CACNB2: variants seen among roughly 807,000 people sequenced by gnomAD.
CACNB2 encodes voltage-dependent L-type calcium channel subunit beta-2.
A neutral mutation model predicts 73.3 loss-of-function variants in CACNB2; 42 were observed. The observed-to-expected ratio is 0.57, with a 90% CI of 0.45 to 0.74. The LOEUF is 0.74. CACNB2 is among the 30% of genes least tolerant of loss of function. The pLI, the probability that CACNB2 is intolerant of heterozygous loss-of-function variation, is 0.00. For synonymous variants in CACNB2, 348 were observed against 310.3 expected (o/e 1.12, Z -1.28); for missense variants, 940 against 853.0 (o/e 1.10, Z -1.27).
At chr10:18,404,870 T>G (rs1343569177) in intron 3 of CACNB2, among the ~76,000 whole-genome samples, 1 of 152,256 alleles carries the variant, frequency 6.6e-6, no homozygotes, top group Non-Finnish European at 1.5e-5. Flanking sequence ...GTTAAGGCTT[T>G]TCTTAACCAC....
intron 5 of CACNB2, among the ~76,000 whole-genome samples, chr10:18,503,992 T>A (rs1468405615): frequency 1.3e-5 from 2 of 152,206 alleles, no homozygotes; most frequent in East Asian, 3.8e-4. Flanking sequence ...TTGGAAAATT[T>A]GGGATGGATT....
chr10:18,471,428 A>G (rs751067127), intron 3 of CACNB2, among the ~76,000 whole-genome samples: 2 of 152,256 alleles, frequency 1.3e-5, no homozygotes, highest in Non-Finnish European at 2.9e-5. Context: ...TTTTCCCTAC[A>G]GAATGTAATT....
intron 7 of CACNB2, 80 bp from the exon 8 acceptor site, chr10:18,518,256 T>A: frequency 1.1e-6 from 1 of 944,136 alleles, no homozygotes; most frequent in Non-Finnish European, 1.8e-6. Context: ...ATTATGGAGT[T>A]CAGAAAGAGT....
intron 10 of CACNB2, among the ~76,000 whole-genome samples, chr10:18,531,026 G>T (rs1276939856): frequency 6.6e-6 from 1 of 152,120 alleles, no homozygotes; most frequent in Non-Finnish European, 1.5e-5. Flanking sequence ...GGCAGGCACT[G>T]GTCAAAATTA....
intron 2 of CACNB2, among the ~76,000 whole-genome samples, chr10:18,378,361 T>A (rs1364742998): frequency 6.6e-6 from 1 of 152,258 alleles, no homozygotes; most frequent in Non-Finnish European, 1.5e-5. Context: ...TTCTCTGCTT[T>A]TTATAATTCT....
intron 2 of CACNB2, chr10:18,262,103 G>C (rs1316636108): frequency 2.1e-6 from 1 of 485,626 alleles, no homozygotes; most frequent in African/African-American, 2.0e-5. Flanking sequence ...GCAAACTGCA[G>C]TGCTGAATTG....
At chr10:18,523,002 G>C (rs959579866) in intron 9 of CACNB2, among the ~76,000 whole-genome samples, 9 of 151,350 alleles carry the variant, frequency 5.9e-5, no homozygotes, top group African/African-American at 1.9e-4. Context: ...TATAATCAAG[G>C]TCTTCTAACC....
chr10:18,311,868 C>A (rs550605576), intron 2 of CACNB2, among the ~76,000 whole-genome samples: 38 of 152,248 alleles, frequency 2.5e-4, no homozygotes, highest in African/African-American at 9.1e-4. Context: ...GGTAGGGACC[C>A]CTACAGTCAC....
At chr10:18,391,925 C>CA (rs34698093) in intron 2 of CACNB2, among the ~76,000 whole-genome samples, 35,072 of 84,600 alleles carry the variant, frequency 0.41, 8,246 homozygotes, top group South Asian at 0.61. Flanking sequence ...AAGACCCTGT[C>CA]AAAAAAAAAA....
At chr10:18,210,299 A>G (rs577612698) in intron 2 of CACNB2, among the ~76,000 whole-genome samples, 1 of 152,352 alleles carries the variant, frequency 6.6e-6, no homozygotes, top group South Asian at 2.1e-4. Context: ...AAATGTATAT[A>G]CATGCAGGTA....
chr10:18,267,421 C>T (rs2037860302), intron 2 of CACNB2, among the ~76,000 whole-genome samples: 1 of 152,050 alleles, frequency 6.6e-6, no homozygotes, highest in Admixed American at 6.6e-5. Context: ...GCCTGGCCAA[C>T]ATGGTGAAAC....
At position 18,361,366 on chromosome 10, in the gene CACNB2, G is replaced by T. The variant is rs115205141; in HGVS notation, c.214-40558G>T. 2.2e-3 allele frequency among the ~76,000 whole-genome samples: 331 copies of T among 151,390 alleles called. 2 individuals are homozygous for T. Among genetic ancestry groups the T allele is most frequent in the African/African-American group, 7.5e-3 (311 of 41,254 alleles). Reference sequence around the variant, plus strand: ...AAAAAAAAAATAGCTGTGCATGATGGTGCATGCTTGAAGTCCCAGCAACTT... The same window carrying T: ...AAAAAAAAAATAGCTGTGCATGATGTTGCATGCTTGAAGTCCCAGCAACTT... On this transcript the variant is annotated intron_variant, in intron 2 of 13. Transcript: ENST00000324631.
Position 18,268,015 on chromosome 10 carries a change from G to A in CACNB2, c.213+117040G>A, listed in dbSNP as rs200890216. ...AATGTGTTAAACTATGAAAACACTTGGCACGGAGTAAGTACTCAAGTAAAT... is the reference window on the plus strand; with the variant it reads ...AATGTGTTAAACTATGAAAACACTTAGCACGGAGTAAGTACTCAAGTAAAT... On this transcript the variant is annotated intron_variant, in intron 2 of 13. Transcript: ENST00000324631. Among the ~76,000 whole-genome samples, 3 of 152,188 alleles carry A rather than the reference G, an allele frequency of 2.0e-5. No homozygotes were observed. The East Asian group carries it at 5.8e-4, about 29-fold the overall frequency.
At chr10:18,236,273 G>A (rs1054702848) in intron 2 of CACNB2, among the ~76,000 whole-genome samples, 26 of 152,244 alleles carry the variant, frequency 1.7e-4, no homozygotes, top group Middle Eastern at 3.4e-3. Context: ...AGAGACATTC[G>A]CCATTGGTTA....
intron 2 of CACNB2, among the ~76,000 whole-genome samples, chr10:18,242,838 A>T (rs969300860): frequency 2.0e-5 from 3 of 151,170 alleles, no homozygotes; most frequent in Admixed American, 6.6e-5. Context: ...CAAAAAAAAA[A>T]AAACCAAAAA....
At position 18,543,042 on chromosome 10, in the gene CACNB2, T is replaced by C. The variant is rs980694211; in HGVS notation, c.*3318T>C. The C allele has an allele frequency of 1.3e-5, 2 of 152,190 alleles. No individual in the cohort carries two copies. The highest frequency in any genetic ancestry group is 2.9e-5 in the Non-Finnish European group (2 of 68,016). The allele number at this position is 152,190 out of a possible 1,614,324, so 9.4% of individuals were successfully genotyped here. A position where few individuals can be genotyped will look rare whatever the true frequency, so the allele number is the denominator to read the frequency against. On this transcript the variant is annotated 3_prime_UTR_variant, in exon 14 of 14. Transcript: ENST00000324631. Reference sequence around the variant, plus strand: ...GCCACATTTTTAACATGGTCTGCTATGCATTCCTGTTAAACATTCACTGTC... The same window carrying C: ...GCCACATTTTTAACATGGTCTGCTACGCATTCCTGTTAAACATTCACTGTC...
At chr10:18,391,580 C>G (rs1006908140) in intron 2 of CACNB2, among the ~76,000 whole-genome samples, 1 of 151,928 alleles carries the variant, frequency 6.6e-6, no homozygotes, top group Non-Finnish European at 1.5e-5. Flanking sequence ...ATATCCTAAT[C>G]AAGGGAGACA....
intron 3 of CACNB2, among the ~76,000 whole-genome samples, chr10:18,425,851 G>T (rs980072768): frequency 1.3e-5 from 2 of 152,140 alleles, no homozygotes; most frequent in Non-Finnish European, 2.9e-5. Context: ...TAGAATACCT[G>T]TTTGTTCCAG....
chr10:18,406,387 A>C (rs906024206), intron 3 of CACNB2, among the ~76,000 whole-genome samples: 1 of 152,192 alleles, frequency 6.6e-6, no homozygotes, highest in East Asian at 1.9e-4. Context: ...GGTGAACAGC[A>C]GCAGCCAGAC....
Sources: allele counts gnomAD v4.1 joint callset (sites outside exome capture counted in the v4.1 genomes callset), GRCh38; gene constraint gnomAD v4.1.1; transcripts MANE v1.5; gene names NCBI Gene and HGNC (gene_info 2026-07-23, HGNC 2026-07-21).